Variants in SSBP2 observed in about 807,000 individuals in gnomAD.
SSBP2 encodes single stranded DNA binding protein 2, also known as single-stranded DNA-binding protein 2.
In SSBP2, 17 loss-of-function variants were observed where a neutral mutation model predicts 61.8. That is an observed-to-expected ratio of 0.28 (90% CI 0.19 to 0.41). The LOEUF (loss-of-function observed/expected upper bound fraction) is 0.41. SSBP2 is among the 10% of genes least tolerant of loss of function. The pLI is 1.00. For missense variants in SSBP2, 310 were observed against 458.7 expected (o/e 0.68, Z 2.96); for synonymous variants, 139 against 141.3 (o/e 0.98, Z 0.12).
At chr5:81,683,916 T>C (rs1752584111) in intron 1 of SSBP2, among the ~76,000 whole-genome samples, 2 of 152,178 alleles carry the variant, frequency 1.3e-5, no homozygotes, top group East Asian at 1.9e-4. Flanking sequence ...TATGCAAATA[T>C]TTGAATGGCC....
At chr5:81,432,459 C>A (rs921502652) in intron 15 of SSBP2, among the ~76,000 whole-genome samples, 3 of 152,116 alleles carry the variant, frequency 2.0e-5, no homozygotes, top group Admixed American at 6.5e-5. Flanking sequence ...TCTAAGAAAA[C>A]AAACCGGCCG....
chr5:81,445,575 A>G (rs2153969671), intron 12 of SSBP2, among the ~76,000 whole-genome samples: 1 of 152,252 alleles, frequency 6.6e-6, no homozygotes, highest in African/African-American at 2.4e-5. Flanking sequence ...AGATGCCTTC[A>G]GGACACAGAC....
At chr5:81,427,266 T>C (rs760689827) in intron 16 of SSBP2, among the ~76,000 whole-genome samples, 1 of 152,166 alleles carries the variant, frequency 6.6e-6, no homozygotes, top group Non-Finnish European at 1.5e-5. Context: ...ATCTTAAGCA[T>C]TATGACTTAA....
intron 5 of SSBP2, among the ~76,000 whole-genome samples, chr5:81,501,787 C>T (rs551847494): frequency 2.6e-4 from 40 of 151,852 alleles, no homozygotes; most frequent in African/African-American, 8.9e-4. Flanking sequence ...AGGATGGTCT[C>T]GATCTGACCT....
chr5:81,578,013 T>G (rs979195052), intron 4 of SSBP2, among the ~76,000 whole-genome samples: 7 of 151,994 alleles, frequency 4.6e-5, no homozygotes, highest in Non-Finnish European at 8.8e-5. Context: ...ATAAAAAAGC[T>G]TTAGAGGAAT....
intron 1 of SSBP2, among the ~76,000 whole-genome samples, chr5:81,717,233 C>G (rs1210303236): frequency 6.6e-6 from 1 of 152,094 alleles, no homozygotes; most frequent in East Asian, 1.9e-4. Flanking sequence ...AGTCACCCTC[C>G]AGGACAAAGA....
intron 4 of SSBP2, among the ~76,000 whole-genome samples, chr5:81,605,255 G>T (rs1744763419): frequency 6.6e-6 from 1 of 151,856 alleles, no homozygotes; most frequent in Non-Finnish European, 1.5e-5. Context: ...CTTTACTCAA[G>T]AAAAAATATG....
rs1561366774 is a variant in SSBP2 at position 81,415,774 on chromosome 5, T to C, written c.*4730A>G. The C allele has an allele frequency of 6.6e-6, 1 of 151,474 alleles. No homozygotes were observed. Among genetic ancestry groups the C allele is most frequent in the Non-Finnish European group, 1.5e-5 (1 of 68,148 alleles). 9.4% of individuals were successfully genotyped at this position (151,474 alleles called of 1,614,324 possible). ...AAAAATACAAAAAATTAGCTGGGCA[T>C]GGTGGTGAGCACCTGTAGTCCCAGC... On this transcript the variant is annotated 3_prime_UTR_variant, in exon 17 of 17. Coordinates refer to ENST00000320672, the MANE Select transcript of SSBP2 (RefSeq NM_012446.5).
intron 15 of SSBP2, among the ~76,000 whole-genome samples, chr5:81,435,988 G>A (rs1762646880): frequency 6.6e-6 from 1 of 152,110 alleles, no homozygotes; most frequent in Admixed American, 6.5e-5. Context: ...AGGAGTTCGA[G>A]ACCAGCCTGA....
chr5:81,452,074 A>T (rs1763814401), intron 10 of SSBP2, among the ~76,000 whole-genome samples: 1 of 140,074 alleles, frequency 7.1e-6, no homozygotes, highest in African/African-American at 2.9e-5. Flanking sequence ...CAAAGAGAAG[A>T]ACTGCTATAA....
intron 4 of SSBP2, among the ~76,000 whole-genome samples, chr5:81,576,286 T>A (rs909944276): frequency 2.6e-5 from 4 of 152,142 alleles, no homozygotes; most frequent in African/African-American, 9.7e-5. Flanking sequence ...TTTTCTGGAC[T>A]AATTTTATAT....
At chr5:81,510,449 G>A (rs1768507468) in intron 5 of SSBP2, among the ~76,000 whole-genome samples, 1 of 152,082 alleles carries the variant, frequency 6.6e-6, no homozygotes, top group East Asian at 1.9e-4. Flanking sequence ...CACTATCTTA[G>A]TTAAGGCCAC....
intron 4 of SSBP2, among the ~76,000 whole-genome samples, chr5:81,543,340 A>G (rs912504028): frequency 6.6e-6 from 1 of 152,206 alleles, no homozygotes; most frequent in Non-Finnish European, 1.5e-5. Flanking sequence ...ACTAATACAC[A>G]TGTCCTTTGC....
At chr5:81,588,740 G>A (rs1025594585) in intron 4 of SSBP2, among the ~76,000 whole-genome samples, 1 of 152,082 alleles carries the variant, frequency 6.6e-6, no homozygotes, top group African/African-American at 2.4e-5. Flanking sequence ...ATAAATAAAT[G>A]AGATACGCTT....
rs71000841 is a variant in SSBP2, at chr5:81,531,229, G to GAA, written c.283-17514_283-17513dup. ...GAGTGGCAGAGTAAGACCCTGTCTG[G>GAA]AAAAAAAAAAAAAGAAAAAAAAAAA... On this transcript the variant is annotated intron_variant, in intron 4 of 16. Transcript: ENST00000320672. 1.4e-3 allele frequency among the ~76,000 whole-genome samples: 167 copies of GAA among 118,282 alleles called. 1 individual carries two copies. The highest frequency in any genetic ancestry group is 3.9e-3 in the African/African-American group (127 of 32,204). 77.6% of individuals were successfully genotyped at this position (118,282 alleles called of 152,430 possible). A position where few individuals can be genotyped will look rare whatever the true frequency, so the allele number is the denominator to read the frequency against.
intron 8 of SSBP2, among the ~76,000 whole-genome samples, chr5:81,471,141 A>T (rs568913135): frequency 6.3e-4 from 95 of 152,000 alleles, no homozygotes; most frequent in Non-Finnish European, 1.1e-3. Context: ...ATCATATTAT[A>T]TAGAAATAGT....
chr5:81,546,461 C>T (rs1350991214), intron 4 of SSBP2, among the ~76,000 whole-genome samples: 2 of 151,246 alleles, frequency 1.3e-5, no homozygotes, highest in Non-Finnish European at 2.9e-5. Flanking sequence ...ACTAACTAGA[C>T]AAACAATAAC....
chr5:81,664,880 A>G (rs1161854140), intron 1 of SSBP2, among the ~76,000 whole-genome samples: 11 of 152,122 alleles, frequency 7.2e-5, no homozygotes, highest in Admixed American at 7.2e-4. Context: ...TAGTTGTAGC[A>G]GTCTTATTTT....
chr5:81,533,673 C>G (rs533399638), intron 4 of SSBP2, among the ~76,000 whole-genome samples: 1 of 151,988 alleles, frequency 6.6e-6, no homozygotes, highest in African/African-American at 2.4e-5. Flanking sequence ...ACCACTGCCC[C>G]CAAAACTGGA....
Sources: allele counts gnomAD v4.1 joint callset (sites outside exome capture counted in the v4.1 genomes callset), GRCh38; gene constraint gnomAD v4.1.1; transcripts MANE v1.5; gene names NCBI Gene and HGNC (gene_info 2026-07-23, HGNC 2026-07-21).